The following ZNF536 variants were observed in gnomAD, a reference collection of about 807,000 sequenced individuals.
The protein encoded by ZNF536 is zinc finger protein 536.
ZNF536 carries 13 observed loss-of-function variants against 84.5 expected under a neutral mutation model. That is an observed-to-expected ratio of 0.15 (90% CI 0.10 to 0.24). The LOEUF is 0.24. Among genes scored for constraint, ZNF536 ranks in the 10% least tolerant of loss-of-function variants. ZNF536 has a pLI of 1.00. For missense variants in ZNF536, 1,536 were observed against 1,747.5 expected (o/e 0.88, Z 2.16); for synonymous variants, 811 against 742.5 (o/e 1.09, Z -1.50).
rs1323331106 is a variant in ZNF536, at chr19:30,414,264, A to G, written c.-2-29297A>G. ...ACCTTTATGTGAAACTGGTTCTCAC[A>G]TAAAGAATATAAAACTGGGGAATGG... On this transcript the variant is annotated intron_variant, in intron 1 of 4. Transcript: ENST00000355537. Among the ~76,000 whole-genome samples, 3 of 152,274 alleles carry G rather than the reference A, an allele frequency of 2.0e-5. No homozygotes were observed. In the East Asian group the frequency reaches 5.8e-4, roughly 29 times the overall value.
At chr19:30,406,672 G>A (rs900997526) in intron 1 of ZNF536, among the ~76,000 whole-genome samples, 1 of 152,138 alleles carries the variant, frequency 6.6e-6, no homozygotes, top group Non-Finnish European at 1.5e-5. Flanking sequence ...GCAACGTGCC[G>A]GGGCTGGCAC....
rs180749968 is a variant in ZNF536, at chr19:30,357,949, C to T, written c.-3+5465C>T. On this transcript the variant is annotated intron_variant, in intron 3 of 5. Transcript: ENST00000585628. ...GAGGCTTGGTTTGGCTAAGTCTGTGCCCAGAAGAGAAGAGTGACCCTCAGG... is the reference window on the plus strand; with the variant it reads ...GAGGCTTGGTTTGGCTAAGTCTGTGTCCAGAAGAGAAGAGTGACCCTCAGG... Among the ~76,000 whole-genome samples, 10 of 152,260 alleles carry T rather than the reference C, an allele frequency of 6.6e-5. No individual in the cohort carries two copies. The East Asian group carries it at 1.9e-3, about 29-fold the overall frequency.
At chr19:30,345,015 G>A (rs1195833235) in intron 2 of ZNF536, among the ~76,000 whole-genome samples, 2 of 152,166 alleles carry the variant, frequency 1.3e-5, no homozygotes, top group African/African-American at 4.8e-5. Context: ...ATCAACAACA[G>A]CAACAGCAAC....
intron 2 of ZNF536, among the ~76,000 whole-genome samples, chr19:30,495,274 C>T (rs1407894502): frequency 6.6e-6 from 1 of 152,202 alleles, no homozygotes. Flanking sequence ...CAAGTGAAGA[C>T]TCCAGTGCCA....
At chr19:30,302,384 G>A (rs1051445104) in intron 2 of ZNF536, among the ~76,000 whole-genome samples, 6 of 152,180 alleles carry the variant, frequency 3.9e-5, no homozygotes, top group African/African-American at 1.4e-4. Flanking sequence ...ATGGTTCTGC[G>A]TCTTTGGGGC....
intron 3 of ZNF536, among the ~76,000 whole-genome samples, chr19:30,354,696 G>A (rs1198426941): frequency 6.6e-6 from 1 of 152,214 alleles, no homozygotes; most frequent in Admixed American, 6.5e-5. Flanking sequence ...TGAACTGGAA[G>A]GAGGATTGAG....
intron 2 of ZNF536, among the ~76,000 whole-genome samples, chr19:30,491,369 G>T (rs1599566714): frequency 1.3e-5 from 2 of 152,214 alleles, no homozygotes; most frequent in Admixed American, 1.3e-4. Flanking sequence ...TGTCTTCCTG[G>T]AGTGCGTGAG....
intron 2 of ZNF536, among the ~76,000 whole-genome samples, chr19:30,304,237 G>A (rs10422094): frequency 0.32 from 48,050 of 152,024 alleles, 10,470 homozygotes; most frequent in East Asian, 0.6. Context: ...CAAACCGCCC[G>A]CATTTGCATC....
chr19:30,247,962 G>A (rs2024374803), intron 1 of ZNF536, among the ~76,000 whole-genome samples: 1 of 152,188 alleles, frequency 6.6e-6, no homozygotes, highest in South Asian at 2.1e-4. Flanking sequence ...CAATCACAGA[G>A]GCAATTCTAG....
chr19:30,297,467 A>G (rs1253534210), intron 2 of ZNF536, among the ~76,000 whole-genome samples: 1 of 152,122 alleles, frequency 6.6e-6, no homozygotes, highest in Non-Finnish European at 1.5e-5. Context: ...TTCAATTCAG[A>G]GGGCTGGCAT....
intron 1 of ZNF536, among the ~76,000 whole-genome samples, chr19:30,404,019 C>CTTTTTTTTTTT (rs11336660): frequency 1.6e-5 from 2 of 123,370 alleles, no homozygotes; most frequent in Non-Finnish European, 1.6e-5. Context: ...TTCCTTTCCT[C>CTTTTTTTTTTT]TTTTTTTTTT....
chr19:30,702,348 A>T (rs1459536109), intron 1 of ZNF536, among the ~76,000 whole-genome samples: 1 of 152,180 alleles, frequency 6.6e-6, no homozygotes, highest in East Asian at 1.9e-4. Context: ...TCTACGGCGC[A>T]GCGACAATAC....
intron 1 of ZNF536, among the ~76,000 whole-genome samples, chr19:30,230,534 AGGGAGCG>A (rs2022954496): frequency 1.3e-5 from 2 of 152,200 alleles, no homozygotes; most frequent in Non-Finnish European, 2.9e-5. Flanking sequence ...TAGGGCAGGC[AGGGAGCG>A]ACAGTCACGC....
intron 1 of ZNF536, among the ~76,000 whole-genome samples, chr19:30,233,924 C>T (rs989293761): frequency 6.6e-6 from 1 of 152,158 alleles, no homozygotes; most frequent in Non-Finnish European, 1.5e-5. Flanking sequence ...TCCTGATTCT[C>T]AAAGCTCATC....
chr19:30,421,208 C>CT (rs906194628), intron 1 of ZNF536, among the ~76,000 whole-genome samples: 7 of 151,916 alleles, frequency 4.6e-5, no homozygotes, highest in South Asian at 2.1e-4. Flanking sequence ...TTTAAAATTA[C>CT]TTTTTTTTCT....
chr19:30,358,886 A>G (rs1309043380), intron 3 of ZNF536, among the ~76,000 whole-genome samples: 2 of 152,218 alleles, frequency 1.3e-5, no homozygotes, highest in East Asian at 1.9e-4. Flanking sequence ...ATGTGTTCCT[A>G]TGGCCCACCC....
intron 1 of ZNF536, among the ~76,000 whole-genome samples, chr19:30,639,303 C>A (rs1290755197): frequency 6.6e-6 from 1 of 152,148 alleles, no homozygotes; most frequent in African/African-American, 2.4e-5. Context: ...TTTTTAAGAA[C>A]GTATTTTGTT....
intron 1 of ZNF536, among the ~76,000 whole-genome samples, chr19:30,275,648 T>A (rs548970239): frequency 6.6e-6 from 1 of 152,154 alleles, no homozygotes; most frequent in South Asian, 2.1e-4. Context: ...ACACAGAACT[T>A]TGGGGCTAGT....
At chr19:30,670,772 G>T (rs565518972) in intron 1 of ZNF536, among the ~76,000 whole-genome samples, 1 of 152,328 alleles carries the variant, frequency 6.6e-6, no homozygotes. Context: ...GGTTCTGAAG[G>T]CAGGAGCCAT....
Sources: allele counts gnomAD v4.1 joint callset (sites outside exome capture counted in the v4.1 genomes callset), GRCh38; gene constraint gnomAD v4.1.1; transcripts MANE v1.5; gene names NCBI Gene and HGNC (gene_info 2026-07-23, HGNC 2026-07-21).